Variants in PCDHA10 observed in about 807,000 individuals in gnomAD.
PCDHA10 encodes protocadherin alpha 10.
Under a neutral mutation model 61.2 loss-of-function variants are expected in PCDHA10, and 45 were observed. That is an observed-to-expected ratio of 0.74 (90% CI 0.58 to 0.94). The LOEUF (loss-of-function observed/expected upper bound fraction) is 0.94. PCDHA10 is among the 40% of genes least tolerant of loss of function. The pLI, the probability that PCDHA10 is intolerant of heterozygous loss-of-function variation, is 0.00. For synonymous variants in PCDHA10, 602 were observed against 548.8 expected, an observed-to-expected ratio of 1.10 and a Z score of -1.35; for missense variants, 1,278 against 1,236.2, an observed-to-expected ratio of 1.03 and a Z score of -0.51.
chr5:140,868,968 C>G (rs782210353), intron 1 of PCDHA10: 16 of 1,446,356 alleles, frequency 1.1e-5, no homozygotes, highest in Middle Eastern at 2.0e-4. Flanking sequence ...TACAAAGGAA[C>G]TCCATCATAC....
chr5:140,959,835 C>T (rs1554224346), intron 1 of PCDHA10, among the ~76,000 whole-genome samples: 2 of 152,042 alleles, frequency 1.3e-5, no homozygotes, highest in East Asian at 1.9e-4. Flanking sequence ...ATGTATTATG[C>T]CTGTAACTGC....
chr5:140,865,598 C>A (rs542387225), intron 1 of PCDHA10: 1 of 152,240 alleles, frequency 6.6e-6, no homozygotes, highest in African/African-American at 2.4e-5. Flanking sequence ...ATTGTTTGAG[C>A]AGTTTATTAA....
At chr5:141,009,450 A>G (rs1272306412) in intron 3 of PCDHA10, among the ~76,000 whole-genome samples, 177 bp from the exon 4 acceptor site, 1 of 152,250 alleles carries the variant, frequency 6.6e-6, no homozygotes, top group Non-Finnish European at 1.5e-5. Context: ...TCTCAAAAAA[A>G]TTAAACAAAT....
chr5:140,963,543 T>C (rs1390082859), intron 1 of PCDHA10, among the ~76,000 whole-genome samples: 2 of 152,238 alleles, frequency 1.3e-5, no homozygotes, highest in East Asian at 1.9e-4. Flanking sequence ...TACTTCATGA[T>C]ATAAAAAGGG....
In PCDHA10 at chr5:140,857,534, C is replaced by G; in HGVS notation, c.1486C>G (p.Arg496Gly). The part of the protein sequence containing the change: ...NALVSYSLVE[R>G]RLGERSLSSY... ...CCTGGTGTCCTACTCTCTGGTGGAG[C>G]GGCGGTTGGGCGAGCGCTCGCTGTC... is the stretch of plus-strand genomic sequence containing the variant. The change falls in exon 1 of 4, where the codon CGG becomes GGG. Residue 496 changes from arginine (R) to glycine (G), a missense_variant. Transcript: ENST00000307360. 3 of 1,597,458 alleles carry G rather than the reference C, an allele frequency of 1.9e-6. No individual in the cohort carries two copies. Among genetic ancestry groups the G allele is most frequent in the Non-Finnish European group, 2.6e-6 (3 of 1,167,742 alleles).
chr5:140,982,420 G>A, intron 2 of PCDHA10, 55 bp from the exon 3 acceptor site: 1 of 1,611,062 alleles, frequency 6.2e-7, no homozygotes, highest in Non-Finnish European at 8.5e-7. Context: ...GGTGGAAGAA[G>A]AGATGGGAAA....
intron 1 of PCDHA10, chr5:140,863,201 C>A: frequency 1.1e-6 from 1 of 925,678 alleles, no homozygotes; most frequent in Admixed American, 1.8e-5. Context: ...GCGTCGCTGG[C>A]GGAGAGCAGC....
At chr5:140,959,506 A>G (rs1554224114) in intron 1 of PCDHA10, among the ~76,000 whole-genome samples, 6 of 152,226 alleles carry the variant, frequency 3.9e-5, no homozygotes. Flanking sequence ...AAACTAAAAA[A>G]TTTTAAGATC....
At chr5:140,974,372 G>A (rs782769705) in intron 1 of PCDHA10, among the ~76,000 whole-genome samples, 28 of 152,076 alleles carry the variant, frequency 1.8e-4, no homozygotes, top group Non-Finnish European at 4.0e-4. Flanking sequence ...AGCACTTTCT[G>A]TTGTACTGGA....
intron 1 of PCDHA10, chr5:140,868,455 A>C (rs2050469160): frequency 6.6e-6 from 1 of 152,444 alleles, no homozygotes; most frequent in Non-Finnish European, 1.5e-5. Flanking sequence ...TAAACACTAA[A>C]GAGCTGCTTT....
At chr5:140,901,667 A>G (rs1319008143) in intron 1 of PCDHA10, among the ~76,000 whole-genome samples, 1 of 151,994 alleles carries the variant, frequency 6.6e-6, no homozygotes, top group Non-Finnish European at 1.5e-5. Context: ...TGCTCAAGAT[A>G]CCTTTAGGTA....
chr5:140,916,202 C>A lies in PCDHA10; in HGVS notation c.2388+57766C>A, dbSNP rs185433174. 8.0e-3 allele frequency among the ~76,000 whole-genome samples: 1,218 copies of A among 152,262 alleles called. 6 individuals carry two copies. Among genetic ancestry groups the A allele is most frequent in the African/African-American group, 0.019 (787 of 41,550 alleles). The stretch of plus-strand genomic sequence containing the variant: ...TTCAAGGAAGTGGGCACCCCTCTGC[C>A]CTGGGGAAGATCCAAATATGCTTTC... On this transcript the variant is annotated intron_variant, in intron 1 of 3. Coordinates refer to ENST00000307360, the MANE Select transcript of PCDHA10 (RefSeq NM_018901.4).
intron 1 of PCDHA10, among the ~76,000 whole-genome samples, chr5:140,914,381 T>C (rs192645626): frequency 1.7e-4 from 26 of 152,352 alleles, no homozygotes; most frequent in Admixed American, 2.6e-4. Flanking sequence ...TTATCTGTTA[T>C]AAGTGTAGTT....
At position 140,856,335 on chromosome 5, in the gene PCDHA10, G is replaced by C; in HGVS notation, c.287G>C (p.Gly96Ala). ...CGGATTGACCGCGAGGAGCTGTGCG[G>C]GCGGAGCGTGGAGTGCAGCATCCAC... The part of the protein sequence containing the change: ...NSRIDREELC[G>A]RSVECSIHLE... Residue 96 changes from glycine to alanine, a missense_variant, in exon 1 of 4, where the codon GGG becomes GCG. Physicochemically the swap from Gly to Ala is moderately conservative, Grantham distance 60 (BLOSUM62 0). Transcript: ENST00000307360. 3 of 1,598,610 alleles carry C rather than the reference G, an allele frequency of 1.9e-6. 1 individual carries two copies. The highest frequency in any genetic ancestry group is 2.6e-6 in the Non-Finnish European group (3 of 1,168,024).
At chr5:140,982,030 C>G (rs2096963361) in intron 2 of PCDHA10, among the ~76,000 whole-genome samples, 1 of 152,196 alleles carries the variant, frequency 6.6e-6, no homozygotes, top group South Asian at 2.1e-4. Flanking sequence ...TGGAACAATA[C>G]TCCAATTATC....
intron 3 of PCDHA10, among the ~76,000 whole-genome samples, chr5:140,985,795 A>G (rs2097171299): frequency 7.3e-6 from 1 of 136,386 alleles, no homozygotes; most frequent in African/African-American, 2.8e-5. Context: ...GCTGGAGTGC[A>G]GTGGCACGAT....
intron 1 of PCDHA10, among the ~76,000 whole-genome samples, chr5:140,920,841 T>TAAAAAAAAA (rs781921146): frequency 9.2e-6 from 1 of 109,226 alleles, no homozygotes; most frequent in Non-Finnish European, 1.9e-5. Context: ...AGACCAAATC[T>TAAAAAAAAA]AAAAAAAAAA....
At chr5:140,881,277 A>G (rs1370714709) in intron 1 of PCDHA10, 5 of 731,680 alleles carry the variant, frequency 6.8e-6, no homozygotes, top group Non-Finnish European at 8.4e-6. Flanking sequence ...ATGAAGTAAG[A>G]TGGAGAGAGA....
intron 1 of PCDHA10, chr5:140,926,643 G>A (rs1292255848): frequency 4.9e-5 from 22 of 452,632 alleles, no homozygotes; most frequent in African/African-American, 3.9e-4. Flanking sequence ...CTCAACACCC[G>A]GCCGGCTCCG....
Sources: gnomAD v4.1 joint callset for allele counts (sites outside exome capture counted in the v4.1 genomes callset) on GRCh38, gnomAD v4.1.1 for gene constraint, MANE v1.5 for transcripts, NCBI Gene and HGNC (gene_info 2026-07-23, HGNC 2026-07-21) for gene names.